Variants in SLC4A4 observed in about 807,000 individuals in gnomAD.
SLC4A4 encodes the protein solute carrier family 4 member 4.
In SLC4A4, 27 loss-of-function variants were observed where a neutral mutation model predicts 111.5. The ratio of observed to expected loss-of-function variants is 0.24; its 90% CI spans 0.18 to 0.33. The LOEUF (loss-of-function observed/expected upper bound fraction) is 0.33. Among genes scored for constraint, SLC4A4 ranks in the 10% least tolerant of loss-of-function variants. The pLI is 1.00. For missense variants in SLC4A4, 909 were observed against 1,315.5 expected (o/e 0.69, Z 4.78); for synonymous variants, 443 against 463.4 (o/e 0.96, Z 0.57).
rs1258491732 is a variant in SLC4A4, at chr4:71,549,789, ACGC to A, written c.2694+2071_2694+2073del. On this transcript the variant is annotated intron_variant, in intron 20 of 25. Coordinates refer to ENST00000264485, the MANE Select transcript of SLC4A4 (RefSeq NM_001098484.3). ...AGATGCAAGACTTACATTTTCAACA[ACGC>A]CTCTTCCTAACTATTTTCTCACCCT... Among the ~76,000 whole-genome samples the A allele has an allele frequency of 3.3e-5, 5 of 151,806 alleles. No homozygotes were observed. The East Asian group carries it at 9.8e-4, about 30-fold the overall frequency.
intron 7 of SLC4A4, among the ~76,000 whole-genome samples, chr4:71,438,806 A>T (rs1452571232): frequency 1.3e-5 from 2 of 152,174 alleles, no homozygotes; most frequent in African/African-American, 2.4e-5. Context: ...AATTAAAATG[A>T]TATTTCTCTA....
chr4:71,415,661 G>A (rs567234246), intron 7 of SLC4A4, among the ~76,000 whole-genome samples: 1 of 152,290 alleles, frequency 6.6e-6, no homozygotes, highest in Admixed American at 6.5e-5. Flanking sequence ...TAATGTTGGA[G>A]AGCACTAAGC....
rs368097684 is a variant in SLC4A4, at chr4:71,412,859, A to C, written c.807+15206A>C. On this transcript the variant is annotated intron_variant, in intron 7 of 25. Transcript: ENST00000264485. Reference sequence around the variant, plus strand: ...ATGTGTTCACTGGGTGGGGTATTATAAACTAGTCAATCTTTAAGTAATTTA... The same window carrying C: ...ATGTGTTCACTGGGTGGGGTATTATCAACTAGTCAATCTTTAAGTAATTTA... 1.5e-4 allele frequency among the ~76,000 whole-genome samples: 23 copies of C among 152,238 alleles called. 1 individual carries two copies. Among genetic ancestry groups the C allele is most frequent in the African/African-American group, 5.3e-4 (22 of 41,458 alleles).
chr4:71,172,287 C>A (rs1028295252), intron 2 of SLC4A4, among the ~76,000 whole-genome samples: 3 of 148,344 alleles, frequency 2.0e-5, no homozygotes, highest in African/African-American at 7.5e-5. Context: ...GACGGAGTCT[C>A]GCTTTGTCGC....
At chr4:71,514,430 A>G (rs1024286384) in intron 16 of SLC4A4, among the ~76,000 whole-genome samples, 1 of 152,148 alleles carries the variant, frequency 6.6e-6, no homozygotes, top group African/African-American at 2.4e-5. Flanking sequence ...TGCTTCCTGT[A>G]CAGTCTGCAG....
intron 7 of SLC4A4, among the ~76,000 whole-genome samples, chr4:71,405,890 G>T (rs1051608899): frequency 6.6e-6 from 1 of 152,098 alleles, no homozygotes; most frequent in Admixed American, 6.6e-5. Context: ...CTAATTGGAC[G>T]TCCGAGCTGG....
rs147346798 is a variant in SLC4A4 at position 71,259,953 on chromosome 4, G to T, written c.253+4554G>T. Among the ~76,000 whole-genome samples the T allele has an allele frequency of 1.9e-4, 29 of 152,318 alleles. No homozygotes were observed. In the East Asian group the frequency reaches 5.2e-3, roughly 27 times the overall value. On this transcript the variant is annotated intron_variant, in intron 3 of 25. Coordinates refer to ENST00000264485, the MANE Select transcript of SLC4A4 (RefSeq NM_001098484.3). ...AAGCATGAACATGCATTCATGCTTGGAGGTGCTAACTGCCTCTCACACACA... is the reference window on the plus strand; with the variant it reads ...AAGCATGAACATGCATTCATGCTTGTAGGTGCTAACTGCCTCTCACACACA...
chr4:71,351,008 A>G (rs1396340883), intron 5 of SLC4A4, among the ~76,000 whole-genome samples: 11 of 152,316 alleles, frequency 7.2e-5, no homozygotes, highest in African/African-American at 2.6e-4. Flanking sequence ...ATAATACGGC[A>G]GTTTAGGCCA....
chr4:71,396,778 T>C (rs1282761620), intron 6 of SLC4A4, among the ~76,000 whole-genome samples: 2 of 152,200 alleles, frequency 1.3e-5, no homozygotes, highest in Non-Finnish European at 2.9e-5. Flanking sequence ...TATGATAGTG[T>C]CTGAAATCAT....
At chr4:71,068,207 G>A (rs1741577375) in intron 1 of SLC4A4, among the ~76,000 whole-genome samples, 1 of 151,870 alleles carries the variant, frequency 6.6e-6, no homozygotes, top group African/African-American at 2.4e-5. Flanking sequence ...TGGGATTACA[G>A]GCAAGTGCCA....
intron 4 of SLC4A4, among the ~76,000 whole-genome samples, chr4:71,342,501 C>T (rs764014726): frequency 6.6e-6 from 1 of 152,096 alleles, no homozygotes; most frequent in Non-Finnish European, 1.5e-5. Flanking sequence ...AGATGAAGGT[C>T]GTATTGAGTT....
At chr4:71,513,480 A>G (rs1578085435) in intron 16 of SLC4A4, among the ~76,000 whole-genome samples, 1 of 152,052 alleles carries the variant, frequency 6.6e-6, no homozygotes, top group Non-Finnish European at 1.5e-5. Context: ...TTGATTTTGT[A>G]TCCTGCAACT....
At chr4:71,220,510 C>T (rs950289491) in intron 1 of SLC4A4, among the ~76,000 whole-genome samples, 1 of 151,870 alleles carries the variant, frequency 6.6e-6, no homozygotes, top group African/African-American at 2.4e-5. Flanking sequence ...ATTATCATAC[C>T]TAATACAATT....
chr4:71,555,396 GA>G (rs1320293055), intron 21 of SLC4A4, among the ~76,000 whole-genome samples, 188 bp downstream of exon 21: 2 of 151,874 alleles, frequency 1.3e-5, no homozygotes, highest in African/African-American at 2.4e-5. Context: ...CCAGTATTAA[GA>G]AAAGTTGCCA....
chr4:71,213,650 C>A (rs1348607888), intron 1 of SLC4A4, among the ~76,000 whole-genome samples: 1 of 152,142 alleles, frequency 6.6e-6, no homozygotes, highest in Non-Finnish European at 1.5e-5. Flanking sequence ...TGACCCCCAC[C>A]CAGAGTCATA....
intron 14 of SLC4A4, 108 bp from the exon 15 acceptor site, chr4:71,486,840 A>G (rs1016566393): frequency 3.5e-5 from 22 of 637,648 alleles, no homozygotes; most frequent in African/African-American, 3.0e-4. Context: ...TGTTGTTATT[A>G]AAGACATTTT....
intron 7 of SLC4A4, among the ~76,000 whole-genome samples, chr4:71,403,241 C>T (rs535696818): frequency 7.2e-5 from 11 of 152,106 alleles, no homozygotes; most frequent in East Asian, 3.9e-4. Context: ...TAAGTAACTG[C>T]GCTACAATAA....
intron 3 of SLC4A4, among the ~76,000 whole-genome samples, chr4:71,321,388 TG>T (rs1401913863): frequency 1.3e-5 from 2 of 152,024 alleles, no homozygotes; most frequent in Non-Finnish European, 2.9e-5. Flanking sequence ...TTTAGACTCT[TG>T]TCATTCATAT....
At chr4:71,502,836 G>A (rs1166584408) in intron 16 of SLC4A4, among the ~76,000 whole-genome samples, 2 of 152,200 alleles carry the variant, frequency 1.3e-5, no homozygotes, top group African/African-American at 4.8e-5. Flanking sequence ...GTAAAGGTCT[G>A]TTAGGTCCAT....
Sources: gnomAD v4.1 joint callset for allele counts (sites outside exome capture counted in the v4.1 genomes callset) on GRCh38, gnomAD v4.1.1 for gene constraint, MANE v1.5 for transcripts, NCBI Gene and HGNC (gene_info 2026-07-23, HGNC 2026-07-21) for gene names.